The following TRHDE variants were observed in gnomAD, a reference collection of about 807,000 sequenced individuals.
TRHDE encodes thyrotropin releasing hormone degrading enzyme, also known as thyrotropin-releasing hormone-degrading ectoenzyme.
A neutral mutation model predicts 125.7 loss-of-function variants in TRHDE; 72 were observed. That is an observed-to-expected ratio of 0.57 (90% CI 0.47 to 0.70). The LOEUF is 0.70. TRHDE is among the 30% of genes least tolerant of loss of function. The probability of loss-of-function intolerance (pLI) is 0.00; values close to 1 mark genes in which losing one functional copy is unlikely to be tolerated. For synonymous variants in TRHDE, 509 were observed against 509.1 expected (o/e 1.00, Z 0.00); for missense variants, 1,110 against 1,327.1 (o/e 0.84, Z 2.54).
intron 2 of TRHDE, among the ~76,000 whole-genome samples, chr12:72,361,515 C>A (rs549813988): frequency 6.6e-6 from 1 of 151,130 alleles, no homozygotes; most frequent in African/African-American, 2.4e-5. Context: ...TTAGATTATT[C>A]TTTGTACTTT....
chr12:72,287,587 C>CACAT (rs1431579374), intron 2 of TRHDE, among the ~76,000 whole-genome samples: 1 of 151,922 alleles, frequency 6.6e-6, no homozygotes, highest in African/African-American at 2.4e-5. Flanking sequence ...GACACACACA[C>CACAT]ACACACACAC....
At chr12:72,197,389 G>C (rs191469474) in intron 2 of TRHDE, among the ~76,000 whole-genome samples, 4 of 152,184 alleles carry the variant, frequency 2.6e-5, no homozygotes, top group Non-Finnish European at 5.9e-5. Context: ...CTGGATAGCT[G>C]ACTCCTTCAC....
At chr12:72,364,055 A>AACTT (rs1272748160) in intron 2 of TRHDE, among the ~76,000 whole-genome samples, 1 of 152,132 alleles carries the variant, frequency 6.6e-6, no homozygotes, top group Non-Finnish European at 1.5e-5. Flanking sequence ...CTAGGAAGCC[A>AACTT]ACTTACAAGG....
At chr12:72,183,169 C>G (rs927150410) in intron 2 of TRHDE, among the ~76,000 whole-genome samples, 2 of 152,170 alleles carry the variant, frequency 1.3e-5, no homozygotes, top group Non-Finnish European at 2.9e-5. Flanking sequence ...CAAGCCATCC[C>G]TAAGACACTA....
chr12:72,452,363 A>G (rs890736308), intron 3 of TRHDE, among the ~76,000 whole-genome samples: 3 of 152,028 alleles, frequency 2.0e-5, no homozygotes, highest in South Asian at 2.1e-4. Flanking sequence ...AAGGTTTTCA[A>G]TATGTAAGAT....
intron 2 of TRHDE, among the ~76,000 whole-genome samples, chr12:72,157,218 A>C (rs1876534612): frequency 6.6e-6 from 1 of 151,904 alleles, no homozygotes; most frequent in Non-Finnish European, 1.5e-5. Context: ...AAAATCCAGC[A>C]GTATAGAATG....
intron 2 of TRHDE, among the ~76,000 whole-genome samples, chr12:72,308,548 C>CG (rs1048340697): frequency 5.1e-4 from 78 of 152,092 alleles, no homozygotes; most frequent in African/African-American, 1.8e-3. Context: ...TTGTGAAGGA[C>CG]GATTTTTCTT....
At chr12:72,352,721 C>T (rs947220093) in intron 2 of TRHDE, among the ~76,000 whole-genome samples, 1 of 151,488 alleles carries the variant, frequency 6.6e-6, no homozygotes, top group Non-Finnish European at 1.5e-5. Context: ...AAATGTTTAT[C>T]GATGCTCTAT....
chr12:72,175,148 C>G (rs531937132), intron 2 of TRHDE, among the ~76,000 whole-genome samples: 12 of 152,250 alleles, frequency 7.9e-5, no homozygotes, highest in Admixed American at 2.6e-4. Context: ...TAGCAATTCC[C>G]CTTTTTTGCC....
chr12:72,636,087 C>T (rs1873735126), intron 15 of TRHDE, among the ~76,000 whole-genome samples: 1 of 151,820 alleles, frequency 6.6e-6, no homozygotes, highest in South Asian at 2.1e-4. Flanking sequence ...TGTAAATTAC[C>T]TTGGGCAGTA....
intron 3 of TRHDE, among the ~76,000 whole-genome samples, chr12:72,381,481 C>T (rs1051496572): frequency 2.0e-5 from 3 of 150,490 alleles, no homozygotes; most frequent in South Asian, 4.2e-4. Context: ...CTGCAAGCTC[C>T]GCCTCCCGGG....
intron 6 of TRHDE, among the ~76,000 whole-genome samples, chr12:72,500,849 CTTTTTTTTTTT>C (rs11314911): frequency 9.1e-6 from 1 of 109,358 alleles, no homozygotes; most frequent in Non-Finnish European, 1.8e-5. Context: ...CAACTTTGTT[CTTTTTTTTTTT>C]TTTTTTTTTT....
At chr12:72,350,908 G>A (rs1870552141) in intron 2 of TRHDE, among the ~76,000 whole-genome samples, 1 of 151,964 alleles carries the variant, frequency 6.6e-6, no homozygotes, top group East Asian at 1.9e-4. Context: ...CATGGTCAAT[G>A]TTACTATGAG....
chr12:72,139,928 C>G (rs1876076033), intron 2 of TRHDE, among the ~76,000 whole-genome samples: 1 of 152,176 alleles, frequency 6.6e-6, no homozygotes. Context: ...AACATTAAAA[C>G]AAAAACTTTA....
intron 6 of TRHDE, among the ~76,000 whole-genome samples, chr12:72,521,013 G>A (rs1294351025): frequency 2.6e-5 from 4 of 152,126 alleles, no homozygotes; most frequent in African/African-American, 9.7e-5. Context: ...ACTCATAATA[G>A]CTCGTGAGTA....
chr12:72,661,734 C>T (rs925331539), intron 18 of TRHDE, among the ~76,000 whole-genome samples: 11 of 152,008 alleles, frequency 7.2e-5, no homozygotes, highest in Non-Finnish European at 1.6e-4. Flanking sequence ...AACTCCAATC[C>T]CTTTGCTTCT....
rs749709194 is a variant in TRHDE at position 72,378,136 on chromosome 12, G to T, written c.1315+15G>T. 4 of 1,566,742 alleles carry T rather than the reference G, an allele frequency of 2.6e-6. No homozygotes were observed. Among genetic ancestry groups the T allele is most frequent in the Admixed American group, 4.0e-5 (2 of 49,674 alleles). The stretch of plus-strand genomic sequence containing the variant: ...GCCAAAACTAGGTAAGAATTTTCTT[G>T]GTTATTTTATTGGAAGGGCTCCTTG... On this transcript the variant is annotated intron_variant, in intron 3 of 18. Coordinates refer to ENST00000261180, the MANE Select transcript of TRHDE (RefSeq NM_013381.3).
rs558296936 is a variant in TRHDE, at chr12:72,303,841, G to T, written c.1188+16887G>T. ...GCCATGTGTCAAGCCAAAAATGAGG[G>T]GTTCTTAAACTAAGGATCTAGGGGA... On this transcript the variant is annotated intron_variant, in intron 2 of 18. Coordinates refer to ENST00000261180, the MANE Select transcript of TRHDE (RefSeq NM_013381.3). Among the ~76,000 whole-genome samples the T allele has an allele frequency of 5.3e-5, 8 of 152,136 alleles. No homozygotes were observed. In the East Asian group the frequency reaches 1.5e-3, roughly 29 times the overall value.
intron 3 of TRHDE, among the ~76,000 whole-genome samples, chr12:72,400,011 C>T (rs1199971075): frequency 1.3e-5 from 2 of 152,058 alleles, no homozygotes; most frequent in African/African-American, 2.4e-5. Flanking sequence ...CTCTCTGGAC[C>T]TCAGTTTTTT....
Sources: gnomAD v4.1 joint callset for allele counts (sites outside exome capture counted in the v4.1 genomes callset) on GRCh38, gnomAD v4.1.1 for gene constraint, MANE v1.5 for transcripts, NCBI Gene and HGNC (gene_info 2026-07-23, HGNC 2026-07-21) for gene names.